Variants in DZIP3 observed in about 807,000 individuals in gnomAD.
DZIP3 encodes E3 ubiquitin-protein ligase DZIP3.
A neutral mutation model predicts 162.0 loss-of-function variants in DZIP3; 118 were observed. The ratio of observed to expected loss-of-function variants is 0.73; its 90% CI spans 0.63 to 0.85. DZIP3 has a LOEUF of 0.85. Among genes scored for constraint, DZIP3 ranks in the 40% least tolerant of loss-of-function variants. The probability of loss-of-function intolerance (pLI) is 0.00; values close to 1 mark genes in which losing one functional copy is unlikely to be tolerated. For synonymous variants in DZIP3, 438 were observed against 458.6 expected, an observed-to-expected ratio of 0.96 and a Z score of 0.57; for missense variants, 1,331 against 1,407.0, an observed-to-expected ratio of 0.95 and a Z score of 0.86.
chr3:108,691,052 C>T (rs2107446220), intron 32 of DZIP3, 149 bp downstream of exon 32: 3 of 603,610 alleles, frequency 5.0e-6, no homozygotes, highest in Middle Eastern at 4.4e-4. Context: ...GACAAATCTT[C>T]AGGACTTGTG....
At position 108,659,508 on chromosome 3, in the gene DZIP3, A is replaced by G. The variant is rs574067783; in HGVS notation, c.2200-2369A>G. ...TATCTCAAAATAGTAAGAGCTATCTATGACAAACCCACAGCCAATATCATA... is the reference window on the plus strand; with the variant it reads ...TATCTCAAAATAGTAAGAGCTATCTGTGACAAACCCACAGCCAATATCATA... On this transcript the variant is annotated intron_variant, in intron 19 of 32. Coordinates refer to ENST00000361582, the MANE Select transcript of DZIP3 (RefSeq NM_014648.4). 2.6e-5 allele frequency among the ~76,000 whole-genome samples: 4 copies of G among 152,314 alleles called. No individual in the cohort carries two copies. In the East Asian group the frequency reaches 5.8e-4, roughly 22 times the overall value.
chr3:108,666,543 C>G (rs967218550), intron 21 of DZIP3, among the ~76,000 whole-genome samples: 1 of 152,076 alleles, frequency 6.6e-6, no homozygotes, highest in Non-Finnish European at 1.5e-5. Context: ...CCAGCAGGAC[C>G]TAACTGATAT....
chr3:108,622,626 G>A (rs777694235), intron 5 of DZIP3, among the ~76,000 whole-genome samples: 1 of 152,080 alleles, frequency 6.6e-6, no homozygotes, highest in Non-Finnish European at 1.5e-5. Context: ...AGTCTTTCCA[G>A]GTATTCAAAG....
At chr3:108,594,513 G>A (rs1431805677) in intron 1 of DZIP3, among the ~76,000 whole-genome samples, 1 of 148,722 alleles carries the variant, frequency 6.7e-6, no homozygotes, top group African/African-American at 2.5e-5. Flanking sequence ...TGTCATGGGA[G>A]TTTGTTGTAC....
chr3:108,649,751 G>A (rs1942781455), intron 17 of DZIP3, among the ~76,000 whole-genome samples: 1 of 151,688 alleles, frequency 6.6e-6, no homozygotes, highest in African/African-American at 2.4e-5. Flanking sequence ...TTAAGACAAT[G>A]AAGATAAATT....
At chr3:108,632,869 C>T in intron 8 of DZIP3, 84 bp from the exon 9 acceptor site, 1 of 776,566 alleles carries the variant, frequency 1.3e-6, no homozygotes, top group South Asian at 4.4e-5. Flanking sequence ...GACATATTAC[C>T]AAGGTAAAAC....
chr3:108,653,523 A>G (rs1282363322), intron 18 of DZIP3, among the ~76,000 whole-genome samples: 12 of 145,110 alleles, frequency 8.3e-5, no homozygotes, highest in African/African-American at 2.5e-4. Flanking sequence ...ATATATATAT[A>G]TATATATATA....
chr3:108,693,325 C>T (rs971865833), intron 32 of DZIP3, 35 bp from the exon 33 acceptor site: 5 of 151,920 alleles, frequency 3.3e-5, no homozygotes, highest in Non-Finnish European at 7.4e-5. Context: ...AATTATATCT[C>T]AATATTCCCC....
intron 5 of DZIP3, among the ~76,000 whole-genome samples, chr3:108,616,906 C>T (rs1312221134): frequency 6.6e-6 from 1 of 152,062 alleles, no homozygotes; most frequent in Non-Finnish European, 1.5e-5. Context: ...ATTCTAGTCT[C>T]CTTCCCTACC....
chr3:108,686,971 C>T (rs1190176888), intron 28 of DZIP3, among the ~76,000 whole-genome samples: 1 of 152,032 alleles, frequency 6.6e-6, no homozygotes, highest in Non-Finnish European at 1.5e-5. Context: ...ATTTAATTTC[C>T]TAATTTCCTT....
intron 31 of DZIP3, among the ~76,000 whole-genome samples, chr3:108,689,345 A>G (rs1048453272): frequency 6.6e-6 from 1 of 152,158 alleles, no homozygotes; most frequent in Non-Finnish European, 1.5e-5. Context: ...CAGTCTCTTC[A>G]GGCTTCTATA....
chr3:108,672,111 C>A (rs879592633), intron 22 of DZIP3, among the ~76,000 whole-genome samples: 3 of 151,948 alleles, frequency 2.0e-5, no homozygotes, highest in Non-Finnish European at 4.4e-5. Context: ...CTCTCTCAGG[C>A]CTTTTTCAAA....
In DZIP3 at chr3:108,684,342, G is replaced by C. The variant is rs747135091; in HGVS notation, c.3009+1G>C. On this transcript the variant is annotated splice_donor_variant, in intron 27 of 32. Transcript: ENST00000361582. LOFTEE classifies it high-confidence loss of function. Reference sequence around the variant, plus strand: ...AACTGGCCAACCTAGAGCCCCCCTGGTAAAAGCTTTCTTGGTGGAATAGAT... The same window carrying C: ...AACTGGCCAACCTAGAGCCCCCCTGCTAAAAGCTTTCTTGGTGGAATAGAT... 3 of 1,607,124 alleles carry C rather than the reference G, an allele frequency of 1.9e-6. No homozygotes were observed. In the African/African-American group the frequency reaches 4.0e-5, roughly 22 times the overall value.
At chr3:108,656,847 A>G (rs1370070723) in intron 19 of DZIP3, among the ~76,000 whole-genome samples, 2 of 152,242 alleles carry the variant, frequency 1.3e-5, no homozygotes, top group African/African-American at 2.4e-5. Flanking sequence ...ACGAATGCAC[A>G]AGCCTCAGTA....
chr3:108,612,637 A>G (rs949895997), intron 4 of DZIP3, among the ~76,000 whole-genome samples: 6 of 152,186 alleles, frequency 3.9e-5, no homozygotes, highest in African/African-American at 1.4e-4. Context: ...TTTGCATACA[A>G]CCTGTACACA....
chr3:108,625,459 C>T (rs939151699), intron 6 of DZIP3, among the ~76,000 whole-genome samples: 4 of 152,154 alleles, frequency 2.6e-5, no homozygotes, highest in Non-Finnish European at 5.9e-5. Context: ...TGGCGTCTCA[C>T]TATGTTGCCC....
chr3:108,590,976 A>G (rs537244434), intron 1 of DZIP3, among the ~76,000 whole-genome samples: 2 of 152,372 alleles, frequency 1.3e-5, no homozygotes, highest in Admixed American at 1.3e-4. Context: ...CCAAATAATA[A>G]ACACAATAAA....
rs747929110 is a variant in DZIP3 at position 108,688,694 on chromosome 3, C to G, written c.3372C>G (p.Leu1124=). ...AQPPKPAWRP[L]TSQGPATWEG... ...CCCCAAAACCAGCCTGGAGGCCACT[C>G]ACTTCACAGGGTCCTGCCACATGGG... The change falls in exon 30 of 33, where the codon CTC becomes CTG. Residue 1124 remains leucine, a synonymous_variant. Transcript: ENST00000361582. 1.2e-6 allele frequency: 2 copies of G among 1,613,968 alleles called. No individual in the cohort carries two copies. Among genetic ancestry groups the G allele is most frequent in the African/African-American group, 1.3e-5 (1 of 74,930 alleles).
chr3:108,674,148 A>G lies in DZIP3; in HGVS notation c.2660A>G (p.Asn887Ser), dbSNP rs145244380. The G allele has an allele frequency of 3.2e-5, 51 of 1,612,320 alleles. No individual in the cohort carries two copies. In the Admixed American group the frequency reaches 6.9e-4, roughly 22 times the overall value. Residue 887 changes from asparagine to serine, a missense_variant, in exon 24 of 33, where the codon AAT (asparagine) becomes AGT (serine). Physicochemically the swap from Asn to Ser is conservative, Grantham distance 46. Transcript: ENST00000361582. ...GAGCAGACTGAAAAGGAATGTCTCA[A>G]TCAGCTTGCCAGGGTGACTCACATG... is the stretch of plus-strand genomic sequence containing the variant. ...HLEQTEKECL[N>S]QLARVTHMAA... is the part of the protein sequence containing the mutation.
Sources: allele counts gnomAD v4.1 joint callset (sites outside exome capture counted in the v4.1 genomes callset), GRCh38; gene constraint gnomAD v4.1.1; transcripts MANE v1.5; gene names NCBI Gene and HGNC (gene_info 2026-07-23, HGNC 2026-07-21).